The following SMAD6 variants were observed in gnomAD, a reference collection of about 807,000 sequenced individuals.
SMAD6 encodes SMAD family member 6, also known as MAD homolog 6.
Under a neutral mutation model 39.4 loss-of-function variants are expected in SMAD6, and 103 were observed. The ratio of observed to expected loss-of-function variants is 2.62; its 90% CI spans 2.23 to 3.08. The LOEUF (loss-of-function observed/expected upper bound fraction) is 3.08, where lower values mean the gene tolerates loss of function less well. Among genes scored for constraint, SMAD6 ranks in the 30% most tolerant of loss-of-function variants. The pLI, the probability that SMAD6 is intolerant of heterozygous loss-of-function variation, is 0.00. For synonymous variants in SMAD6, 445 were observed against 353.3 expected (o/e 1.26, Z -2.91); for missense variants, 1,104 against 742.9 (o/e 1.49, Z -5.65).
intron 3 of SMAD6, among the ~76,000 whole-genome samples, chr15:66,780,743 G>A (rs1386680965): frequency 2.0e-5 from 3 of 152,196 alleles, no homozygotes; most frequent in Non-Finnish European, 4.4e-5. Context: ...CACACAACAG[G>A]TGCTCTCTGG....
At chr15:66,767,237 C>T (rs1379607823) in intron 3 of SMAD6, among the ~76,000 whole-genome samples, 1 of 152,192 alleles carries the variant, frequency 6.6e-6, no homozygotes, top group Non-Finnish European at 1.5e-5. Flanking sequence ...ATTGGGAAAC[C>T]TTCCACAGTT....
intron 3 of SMAD6, among the ~76,000 whole-genome samples, chr15:66,733,065 C>T (rs2439386): frequency 0.71 from 108,330 of 151,880 alleles, 38,633 homozygotes; most frequent in East Asian, 0.84. Context: ...TTTGTTGAAA[C>T]GACTACTCTT....
chr15:66,715,583 G>A (rs1893312496), intron 2 of SMAD6, among the ~76,000 whole-genome samples: 1 of 152,166 alleles, frequency 6.6e-6, no homozygotes, highest in African/African-American at 2.4e-5. Flanking sequence ...CCCATTGCTG[G>A]TAGCAGAGGC....
At chr15:66,716,519 A>T (rs991297749) in intron 3 of SMAD6, 21 bp downstream of exon 3, 3 of 1,572,318 alleles carry the variant, frequency 1.9e-6, no homozygotes, top group African/African-American at 2.7e-5. Context: ...TTTCTTGTGC[A>T]TTGCTGTTGT....
At chr15:66,713,898 C>CTT (rs1893278597) in intron 2 of SMAD6, among the ~76,000 whole-genome samples, 1 of 152,178 alleles carries the variant, frequency 6.6e-6, no homozygotes, top group African/African-American at 2.4e-5. Context: ...AAGCTTGTCA[C>CTT]TTAAGAGATG....
intron 3 of SMAD6, among the ~76,000 whole-genome samples, chr15:66,725,244 C>G (rs1335552103): frequency 6.6e-6 from 1 of 152,124 alleles, no homozygotes; most frequent in Non-Finnish European, 1.5e-5. Flanking sequence ...CCCAGTTGTC[C>G]TTTGTGGAAG....
At chr15:66,746,150 G>A (rs548997135) in intron 3 of SMAD6, among the ~76,000 whole-genome samples, 1 of 152,298 alleles carries the variant, frequency 6.6e-6, no homozygotes, top group South Asian at 2.1e-4. Flanking sequence ...GCTTCCCCAA[G>A]CCCTCCGATA....
At chr15:66,719,756 G>A (rs1595768250) in intron 3 of SMAD6, among the ~76,000 whole-genome samples, 1 of 152,236 alleles carries the variant, frequency 6.6e-6, no homozygotes, top group East Asian at 1.9e-4. Context: ...TGGGCAGGGC[G>A]AGGGGCCGCA....
chr15:66,778,231 C>T (rs1273592177), intron 3 of SMAD6, among the ~76,000 whole-genome samples: 2 of 152,066 alleles, frequency 1.3e-5, no homozygotes, highest in Admixed American at 6.5e-5. Flanking sequence ...CAGATGTACA[C>T]CATCATACCC....
Position 66,703,682 on chromosome 15 carries a change from A to G in SMAD6, c.424A>G (p.Ser142Gly). 8.1e-7 allele frequency: 1 copy of G among 1,236,004 alleles called. No individual in the cohort carries two copies. Among genetic ancestry groups the G allele is most frequent in the Admixed American group, 4.4e-5 (1 of 22,848 alleles). 76.6% of individuals were successfully genotyped at this position (1,236,004 alleles called of 1,614,324 possible). A position where few individuals can be genotyped will look rare whatever the true frequency, so the allele number is the denominator to read the frequency against. Residue 142 changes from serine (S) to glycine (G), a missense_variant, in exon 1 of 4, where the codon AGC becomes GGC. Transcript: ENST00000288840. ...RDAAGAPRDA[S>G]DPLAGAALEP... ...CGCCGCCGGCGCGCCCCGGGACGCCAGCGACCCCCTGGCCGGGGCGGCCCT... is the reference window on the plus strand; with the variant it reads ...CGCCGCCGGCGCGCCCCGGGACGCCGGCGACCCCCTGGCCGGGGCGGCCCT...
In SMAD6 at chr15:66,702,762, C is replaced by G. The variant is rs1160280611; in HGVS notation, c.-497C>G. 2 of 153,164 alleles carry G rather than the reference C, an allele frequency of 1.3e-5. No individual in the cohort carries two copies. Among genetic ancestry groups the G allele is most frequent in the Admixed American group, 6.5e-5 (1 of 15,296 alleles). The allele number at this position is 153,164 out of a possible 1,614,324, so 9.5% of individuals were successfully genotyped here. A position where few individuals can be genotyped will look rare whatever the true frequency, so the allele number is the denominator to read the frequency against. On this transcript the variant is annotated 5_prime_UTR_variant, in exon 1 of 4. Coordinates refer to ENST00000288840, the MANE Select transcript of SMAD6 (RefSeq NM_005585.5). ...GAAGGGAGCTGGGGGTATCAACAAG[C>G]CTGCCTTTCGGATCCTGCGGGAAAA...
intron 3 of SMAD6, among the ~76,000 whole-genome samples, chr15:66,732,663 A>G (rs1387453657): frequency 1.3e-5 from 2 of 152,084 alleles, no homozygotes; most frequent in African/African-American, 2.4e-5. Context: ...CACCTGGCCA[A>G]TTTTTAAATA....
intron 1 of SMAD6, chr15:66,705,194 C>T (rs1244830043): frequency 6.6e-6 from 1 of 152,260 alleles, no homozygotes; most frequent in Non-Finnish European, 1.5e-5. Flanking sequence ...TGTAGGTCTC[C>T]TGACTCTGTG....
intron 2 of SMAD6, 21 bp downstream of exon 2, chr15:66,711,745 A>C (rs772544843): frequency 6.2e-7 from 1 of 1,600,014 alleles, no homozygotes; most frequent in Non-Finnish European, 8.6e-7. Flanking sequence ...CCTCCTTCCT[A>C]CCCTTGCAGA....
chr15:66,769,134 C>T (rs1043190246), intron 3 of SMAD6, among the ~76,000 whole-genome samples: 4 of 152,278 alleles, frequency 2.6e-5, no homozygotes, highest in Non-Finnish European at 4.4e-5. Flanking sequence ...TCAAGCCCTT[C>T]TCGAAAACCC....
chr15:66,705,211 G>A (rs534010078), intron 1 of SMAD6: 1 of 152,378 alleles, frequency 6.6e-6, no homozygotes, highest in South Asian at 2.1e-4. Context: ...TGTGTGGAAG[G>A]GGAAAGTGGG....
Position 66,716,445 on chromosome 15 carries a change from A to T in SMAD6, c.899A>T (p.Tyr300Phe). 6.2e-7 allele frequency: 1 copy of T among 1,613,918 alleles called. No individual in the cohort carries two copies. The highest frequency in any genetic ancestry group is 1.7e-5 in the Admixed American group (1 of 60,028). ...PLDLSDSTLS[Y>F]TETEATNSLI... ...GATCTGTCCGATTCCACATTGTCTT[A>T]CACTGAAACGGAGGCTACCAACTCC... The change falls in exon 3 of 4, where the codon TAC (tyrosine) becomes TTC (phenylalanine). Residue 300 changes from tyrosine (Y) to phenylalanine (F), a missense_variant. Coordinates refer to ENST00000288840, the MANE Select transcript of SMAD6 (RefSeq NM_005585.5).
chr15:66,744,406 C>T (rs986888030), intron 3 of SMAD6, among the ~76,000 whole-genome samples: 7 of 152,182 alleles, frequency 4.6e-5, no homozygotes, highest in Non-Finnish European at 7.3e-5. Context: ...GAAGATAACA[C>T]GTGTCAGGAC....
At chr15:66,778,159 G>A (rs545992857) in intron 3 of SMAD6, among the ~76,000 whole-genome samples, 100 of 150,508 alleles carry the variant, frequency 6.6e-4, no homozygotes, top group Non-Finnish European at 6.8e-4. Flanking sequence ...GACTGTTCCC[G>A]GTAGCTTCAA....
Sources: gnomAD v4.1 joint callset for allele counts (sites outside exome capture counted in the v4.1 genomes callset) on GRCh38, gnomAD v4.1.1 for gene constraint, MANE v1.5 for transcripts, NCBI Gene and HGNC (gene_info 2026-07-23, HGNC 2026-07-21) for gene names.